Variants in PUM3 observed in about 807,000 individuals in gnomAD.
The protein encoded by PUM3 is pumilio RNA binding family member 3.
In PUM3, 91 loss-of-function variants were observed where a neutral mutation model predicts 84.0. The ratio of observed to expected loss-of-function variants is 1.08; its 90% CI spans 0.91 to 1.29. The LOEUF is 1.29. PUM3 is among the 50% of genes most tolerant of loss of function. The probability of loss-of-function intolerance (pLI) is 0.00; values close to 1 mark genes in which losing one functional copy is unlikely to be tolerated. For synonymous variants in PUM3, 321 were observed against 266.7 expected, an observed-to-expected ratio of 1.20 and a Z score of -1.98; for missense variants, 1,067 against 767.5, an observed-to-expected ratio of 1.39 and a Z score of -4.61.
rs781139610 is a variant in PUM3, at chr9:2,827,086, G to C, written c.1022C>G (p.Pro341Arg). 7.5e-6 allele frequency: 12 copies of C among 1,608,832 alleles called. No individual in the cohort carries two copies. The highest frequency in any genetic ancestry group is 3.3e-4 in the Middle Eastern group (2 of 6,060). Reference sequence around the variant, plus strand: ...CCAAGAACTTACTGATCTGAGTTTGGGGGGTGCATAGGTAAAAAAGTCCAA... The same window carrying C: ...CCAAGAACTTACTGATCTGAGTTTGCGGGGTGCATAGGTAAAAAAGTCCAA... ...VFLDFFTYAPPKLRSEMIEAI... is the reference protein window; with the variant it reads ...VFLDFFTYAPRKLRSEMIEAI... The change falls in exon 10 of 18, where the codon CCC (proline) becomes CGC (arginine). Residue 341 changes from proline (P) to arginine (R), a missense_variant. Physicochemically the swap from Pro to Arg is moderately radical, Grantham distance 103. Coordinates refer to ENST00000397885, the MANE Select transcript of PUM3 (RefSeq NM_014878.5).
chr9:2,837,841 A>C (rs1816169356), intron 2 of PUM3, among the ~76,000 whole-genome samples: 1 of 152,208 alleles, frequency 6.6e-6, no homozygotes. Flanking sequence ...AGTATATCAT[A>C]AGGACATCTA....
intron 13 of PUM3, among the ~76,000 whole-genome samples, chr9:2,818,342 T>C (rs1821517155): frequency 6.6e-6 from 1 of 152,218 alleles, no homozygotes; most frequent in Non-Finnish European, 1.5e-5. Context: ...GTTAAGCAGT[T>C]GTGGGAATCA....
rs200534800 is a variant in PUM3, at chr9:2,811,556, C to T, written c.1440G>A (p.Arg480=). 4 of 1,614,048 alleles carry T rather than the reference C, an allele frequency of 2.5e-6. No individual in the cohort carries two copies. In the East Asian group the frequency reaches 8.9e-5, roughly 36 times the overall value. ...HSKKDTEVRR[R]ELLESISPAL... Reference sequence around the variant, plus strand: ...CTGGAGAAATGGATTCTAGGAGCTCCCGTCTGCGGACCTCTGTATCTTTCT... The same window carrying T: ...CTGGAGAAATGGATTCTAGGAGCTCTCGTCTGCGGACCTCTGTATCTTTCT... Residue 480 remains arginine, a synonymous_variant, in exon 15 of 18, where the codon CGG becomes CGA. Transcript: ENST00000397885.
chr9:2,841,050 A>C (rs1357510538), intron 1 of PUM3, among the ~76,000 whole-genome samples: 1 of 152,182 alleles, frequency 6.6e-6, no homozygotes, highest in Non-Finnish European at 1.5e-5. Flanking sequence ...ATGTTTCCAA[A>C]TCTAATCAAG....
At chr9:2,806,779 A>G (rs769256973) in intron 17 of PUM3, among the ~76,000 whole-genome samples, 8 of 152,250 alleles carry the variant, frequency 5.3e-5, no homozygotes, top group Non-Finnish European at 7.3e-5. Context: ...AACAAATAGC[A>G]CACACACTTC....
chr9:2,827,027 G>T, intron 10 of PUM3, 46 bp downstream of exon 10: 1 of 1,462,926 alleles, frequency 6.8e-7, no homozygotes, highest in Non-Finnish European at 9.5e-7. Context: ...TTTCTACACC[G>T]CTCCTCCTCC....
chr9:2,828,328 A>T (rs577666137), intron 9 of PUM3: 1 of 204,254 alleles, frequency 4.9e-6, no homozygotes, highest in East Asian at 1.5e-4. Context: ...GGCGTGAGCC[A>T]CTGTACCTTG....
At position 2,827,519 on chromosome 9, in the gene PUM3, T is replaced by C. The variant is rs570510489; in HGVS notation, c.957-368A>G. ...GTGGATGTATTTTTTTAATAGTTGT[T>C]TTATTTCTGTTAACACCCTTCACAA... On this transcript the variant is annotated intron_variant, in intron 9 of 17. Transcript: ENST00000397885. 3.9e-5 allele frequency among the ~76,000 whole-genome samples: 6 copies of C among 152,326 alleles called. No homozygotes were observed. In the South Asian group the frequency reaches 1.2e-3, roughly 32 times the overall value.
chr9:2,815,309 C>T (rs1413311608), intron 13 of PUM3, among the ~76,000 whole-genome samples: 1 of 152,124 alleles, frequency 6.6e-6, no homozygotes, highest in African/African-American at 2.4e-5. Flanking sequence ...ACAGCTTTCC[C>T]CTACCATCAA....
At chr9:2,838,606 C>G (rs1816193583) in intron 1 of PUM3, 89 bp from the exon 2 acceptor site, 3 of 772,524 alleles carry the variant, frequency 3.9e-6, no homozygotes, top group Non-Finnish European at 6.8e-6. Context: ...ACATTTAGTC[C>G]TTCAGTCTAC....
intron 17 of PUM3, among the ~76,000 whole-genome samples, chr9:2,807,578 G>C (rs367635235): frequency 1.4e-5 from 2 of 144,096 alleles, no homozygotes; most frequent in African/African-American, 5.2e-5. Flanking sequence ...ACTCCAGCCT[G>C]GGTGACAGTG....
intron 13 of PUM3, among the ~76,000 whole-genome samples, chr9:2,817,170 T>A (rs537726242): frequency 6.6e-6 from 1 of 152,328 alleles, no homozygotes; most frequent in African/African-American, 2.4e-5. Flanking sequence ...TTAAAGTTAG[T>A]TTTTAAAATT....
intron 13 of PUM3, among the ~76,000 whole-genome samples, chr9:2,816,510 A>G (rs761449611): frequency 2.6e-5 from 4 of 152,240 alleles, no homozygotes; most frequent in Admixed American, 1.3e-4. Context: ...AAATTTTGTT[A>G]TATGTAGTTT....
At chr9:2,828,880 T>C (rs1815898097) in intron 8 of PUM3, 102 bp from the exon 9 acceptor site, 1 of 732,254 alleles carries the variant, frequency 1.4e-6, no homozygotes, top group East Asian at 2.7e-5. Flanking sequence ...TTTTAACAAA[T>C]TTAAGATTTC....
intron 17 of PUM3, among the ~76,000 whole-genome samples, chr9:2,804,895 G>A (rs142169681): frequency 1.3e-5 from 2 of 152,262 alleles, no homozygotes; most frequent in Admixed American, 6.5e-5. Context: ...TGCCCACCAC[G>A]TGGCTGAATG....
chr9:2,806,546 C>T (rs1375244747), intron 17 of PUM3, among the ~76,000 whole-genome samples: 1 of 152,148 alleles, frequency 6.6e-6, no homozygotes, highest in East Asian at 1.9e-4. Flanking sequence ...TTTTCCCAAA[C>T]CTTAATAACA....
chr9:2,829,160 AC>A (rs1029660510), intron 8 of PUM3, among the ~76,000 whole-genome samples: 1 of 152,222 alleles, frequency 6.6e-6, no homozygotes, highest in African/African-American at 2.4e-5. Context: ...AACAAATTCA[AC>A]CCAAGAATTG....
chr9:2,816,528 T>A (rs1821473131), intron 13 of PUM3, among the ~76,000 whole-genome samples: 1 of 152,196 alleles, frequency 6.6e-6, no homozygotes, highest in African/African-American at 2.4e-5. Context: ...TTTACCTCAA[T>A]TAAAAAGAAA....
chr9:2,807,264 C>G (rs1220973513), intron 17 of PUM3, among the ~76,000 whole-genome samples: 1 of 150,578 alleles, frequency 6.6e-6, no homozygotes, highest in Non-Finnish European at 1.5e-5. Context: ...CCACCTGATA[C>G]CTTGTGAATG....
Sources: gnomAD v4.1 joint callset for allele counts (sites outside exome capture counted in the v4.1 genomes callset) on GRCh38, gnomAD v4.1.1 for gene constraint, MANE v1.5 for transcripts, NCBI Gene and HGNC (gene_info 2026-07-23, HGNC 2026-07-21) for gene names.